Variants in IL19 observed in about 807,000 individuals in gnomAD.
The protein encoded by IL19 is interleukin-19.
IL19 carries 15 observed loss-of-function variants against 19.5 expected under a neutral mutation model. The ratio of observed to expected loss-of-function variants is 0.77; its 90% CI spans 0.52 to 1.19. IL19 has a LOEUF of 1.19. Ranked by LOEUF, IL19 falls within the 50% of genes most tolerant of loss-of-function variation. IL19 has a pLI of 0.00. For missense variants in IL19, 199 were observed against 213.1 expected (o/e 0.93, Z 0.41); for synonymous variants, 78 against 78.3 (o/e 1.00, Z 0.02).
intron 2 of IL19, among the ~76,000 whole-genome samples, chr1:206,820,916 A>G (rs570736373): frequency 6.6e-6 from 1 of 152,232 alleles, no homozygotes; most frequent in Non-Finnish European, 1.5e-5. Context: ...GTCCTTTTCC[A>G]TGAATCCTCA....
intron 1 of IL19, among the ~76,000 whole-genome samples, chr1:206,781,111 A>G (rs1675117137): frequency 6.6e-6 from 1 of 152,128 alleles, no homozygotes; most frequent in Non-Finnish European, 1.5e-5. Flanking sequence ...TTCCCACTGC[A>G]GTACCCCTAC....
intron 2 of IL19, among the ~76,000 whole-genome samples, chr1:206,802,338 C>G (rs1031926303): frequency 6.6e-6 from 1 of 152,116 alleles, no homozygotes; most frequent in Non-Finnish European, 1.5e-5. Context: ...GTGTACATGA[C>G]AGAATTATAT....
chr1:206,779,919 G>C (rs1260547097), intron 1 of IL19, among the ~76,000 whole-genome samples: 2 of 150,404 alleles, frequency 1.3e-5, no homozygotes, highest in Non-Finnish European at 3.0e-5. Flanking sequence ...GAACTCCTAG[G>C]CTCAAGTAAT....
chr1:206,788,814 C>A (rs147580817), intron 1 of IL19, among the ~76,000 whole-genome samples: 1 of 152,200 alleles, frequency 6.6e-6, no homozygotes, highest in Non-Finnish European at 1.5e-5. Flanking sequence ...GATTCCATAG[C>A]GGTTTCTCTT....
intron 1 of IL19, among the ~76,000 whole-genome samples, chr1:206,788,514 G>A (rs1406807659): frequency 1.3e-4 from 14 of 111,312 alleles, no homozygotes; most frequent in African/African-American, 1.0e-4. Flanking sequence ...ATAATGTGAC[G>A]CTAATAATTA....
At chr1:206,774,679 C>T (rs1277121131) in intron 1 of IL19, among the ~76,000 whole-genome samples, 2 of 152,188 alleles carry the variant, frequency 1.3e-5, no homozygotes, top group Non-Finnish European at 2.9e-5. Context: ...CATGCCCTGC[C>T]GAATCAGCTT....
intron 2 of IL19, among the ~76,000 whole-genome samples, chr1:206,826,849 G>A (rs1236856327): frequency 6.6e-6 from 1 of 152,166 alleles, no homozygotes; most frequent in Non-Finnish European, 1.5e-5. Flanking sequence ...TGTTTCTATA[G>A]GGAGGAAGTT....
chr1:206,816,450 T>C (rs191478281), intron 2 of IL19, among the ~76,000 whole-genome samples: 9 of 152,292 alleles, frequency 5.9e-5, no homozygotes, highest in African/African-American at 2.2e-4. Flanking sequence ...TAGTATGATT[T>C]GAAGGCAGAC....
At chr1:206,771,126 C>G (rs1386591296) in intron 1 of IL19, 48 bp downstream of exon 1, 22 of 1,543,998 alleles carry the variant, frequency 1.4e-5, no homozygotes, top group Non-Finnish European at 1.9e-5. Context: ...GCTGCTGCAA[C>G]TAGCTTAAGA....
intron 2 of IL19, among the ~76,000 whole-genome samples, chr1:206,807,582 T>C (rs763747314): frequency 6.6e-6 from 1 of 152,240 alleles, no homozygotes; most frequent in Non-Finnish European, 1.5e-5. Flanking sequence ...AGATGTTCTC[T>C]GGTCTCAAAA....
intron 2 of IL19, among the ~76,000 whole-genome samples, chr1:206,830,455 C>T (rs1298383480): frequency 6.6e-6 from 1 of 151,848 alleles, no homozygotes; most frequent in Non-Finnish European, 1.5e-5. Context: ...CAAAGCTATA[C>T]AGAAGTTCAC....
intron 4 of IL19, among the ~76,000 whole-genome samples, chr1:206,838,736 TTTCCCTTCCCTTCCC>T (rs528779104): frequency 0.26 from 30,379 of 117,082 alleles, 4,197 homozygotes; most frequent in African/African-American, 0.37. Flanking sequence ...CTTCCCTTCC[TTTCCCTTCCCTTCCC>T]TTCCCTTCCC....
chr1:206,799,371 G>A (rs1675619051), intron 2 of IL19, among the ~76,000 whole-genome samples: 2 of 152,108 alleles, frequency 1.3e-5, no homozygotes, highest in Admixed American at 6.5e-5. Context: ...GCTAGCTGCA[G>A]CAAAAAGGGG....
rs573112235 is a variant in IL19, at chr1:206,840,064, G to C, written c.363+62G>C. 279 of 1,574,812 alleles carry C rather than the reference G, an allele frequency of 1.8e-4. 4 individuals carry two copies. In the South Asian group the frequency reaches 3.0e-3, roughly 17 times the overall value. On this transcript the variant is annotated intron_variant, in intron 5 of 6. Transcript: ENST00000659997. Reference sequence around the variant, plus strand: ...TGTCTGCCCAAGGAGAGGCCAGGAAGTGCTGGCCCCCATCGGCCTCCTGAT... The same window carrying C: ...TGTCTGCCCAAGGAGAGGCCAGGAACTGCTGGCCCCCATCGGCCTCCTGAT...
intron 2 of IL19, among the ~76,000 whole-genome samples, chr1:206,831,968 C>A (rs755393587): frequency 1.3e-5 from 2 of 152,242 alleles, no homozygotes; most frequent in African/African-American, 2.4e-5. Context: ...TCAGCATGGA[C>A]AGTGTTGCAA....
chr1:206,813,191 G>A (rs2102469011), intron 2 of IL19, among the ~76,000 whole-genome samples: 1 of 152,288 alleles, frequency 6.6e-6, no homozygotes, highest in Admixed American at 6.5e-5. Flanking sequence ...CTAGAGACCG[G>A]ACCCTAAAAA....
At position 206,803,970 on chromosome 1, in the gene IL19, G is replaced by A. The variant is rs61011085; in HGVS notation, c.-3+4964G>A. Among the ~76,000 whole-genome samples, 318 of 152,288 alleles carry A rather than the reference G, an allele frequency of 2.1e-3. 1 individual carries two copies. The highest frequency in any genetic ancestry group is 7.3e-3 in the African/African-American group (303 of 41,554). ...TGGAAAGCACTCCAGCAAGGTGGGA[G>A]GGAAAATTATTCCAGCTTGAACACT... On this transcript the variant is annotated intron_variant, in intron 2 of 6. Coordinates refer to ENST00000659997, the MANE Select transcript of IL19 (RefSeq NM_153758.5).
At chr1:206,823,387 A>G (rs2102475982) in intron 2 of IL19, among the ~76,000 whole-genome samples, 1 of 152,040 alleles carries the variant, frequency 6.6e-6, no homozygotes, top group Admixed American at 6.5e-5. Context: ...CCCCTTCTCT[A>G]CTAAAAATAC....
chr1:206,834,366 G>A, intron 2 of IL19: 1 of 985,658 alleles, frequency 1.0e-6, no homozygotes, highest in Non-Finnish European at 1.2e-6. Context: ...ACTGAGAGGA[G>A]ACACAAGGAG....
Sources: gnomAD v4.1 joint callset for allele counts (sites outside exome capture counted in the v4.1 genomes callset) on GRCh38, gnomAD v4.1.1 for gene constraint, MANE v1.5 for transcripts, NCBI Gene and HGNC (gene_info 2026-07-23, HGNC 2026-07-21) for gene names.